The following PLAGL1 variants were observed in gnomAD, a reference collection of about 807,000 sequenced individuals.
The protein encoded by PLAGL1 is zinc finger protein PLAGL1.
PLAGL1 carries 1 observed loss-of-function variant against 4.6 expected under a neutral mutation model. That is an observed-to-expected ratio of 0.22 (90% CI 0.08 to 1.03). PLAGL1 has a LOEUF of 1.03. Among genes scored for constraint, PLAGL1 ranks in the 50% least tolerant of loss-of-function variants. The pLI, the probability that PLAGL1 is intolerant of heterozygous loss-of-function variation, is 0.58. For missense variants in PLAGL1, 464 were observed against 570.4 expected (o/e 0.81, Z 1.90); for synonymous variants, 240 against 237.8 (o/e 1.01, Z -0.08).
intron 3 of PLAGL1, chr6:143,967,953 G>A (rs1459764090): frequency 1.0e-4 from 10 of 100,390 alleles, no homozygotes; most frequent in Non-Finnish European, 1.6e-4. Flanking sequence ...AAAACAACTG[G>A]AATTTTTAAA....
chr6:144,054,063 C>T (rs1562616455), intron 1 of PLAGL1, among the ~76,000 whole-genome samples: 1 of 152,164 alleles, frequency 6.6e-6, no homozygotes, highest in East Asian at 1.9e-4. Flanking sequence ...GACAATTGTA[C>T]CTATAAATCC....
Position 143,955,639 on chromosome 6 carries a change from AGGACGACCCAGGC to A in PLAGL1, c.-325+4817_-325+4829del, listed in dbSNP as rs1297783478. ...GACAAAACCAAACTACCAAGGGGAA[AGGACGACCCAGGC>A]GCTCACCACCAGGGAGCTGGGCAAT... On this transcript the variant is annotated intron_variant, in intron 6 of 7. Coordinates refer to ENST00000674357, the MANE Select transcript of PLAGL1 (RefSeq NM_001317162.2). This position sits in a 1 kb window ranked among gnomAD's most constrained non-coding sequence, Gnocchi z 4.9. Among the ~76,000 whole-genome samples, 4 of 152,178 alleles carry A rather than the reference AGGACGACCCAGGC, an allele frequency of 2.6e-5. No individual in the cohort carries two copies. Among genetic ancestry groups the A allele is most frequent in the African/African-American group, 9.7e-5 (4 of 41,436 alleles).
Position 143,950,045 on chromosome 6 carries a change from A to T in PLAGL1, c.-324-1585T>A, listed in dbSNP as rs1583101672. 6.6e-6 allele frequency among the ~76,000 whole-genome samples: 1 copy of T among 152,310 alleles called. No homozygotes were observed. The highest frequency in any genetic ancestry group is 2.4e-5 in the African/African-American group (1 of 41,566). On this transcript the variant is annotated intron_variant, in intron 6 of 7. Transcript: ENST00000674357. The surrounding 1 kb of genome is among the most constrained non-coding windows in gnomAD (Gnocchi z 6.3). ...TAGAGTTCCTCATCTTCTGTTGTAGATGTTTTCAGTGTCTGGACAGAGTTC... is the reference window on the plus strand; with the variant it reads ...TAGAGTTCCTCATCTTCTGTTGTAGTTGTTTTCAGTGTCTGGACAGAGTTC...
At chr6:143,999,934 G>C (rs533291784) in intron 1 of PLAGL1, among the ~76,000 whole-genome samples, 22 of 152,192 alleles carry the variant, frequency 1.4e-4, no homozygotes, top group African/African-American at 5.3e-4. Context: ...TTATATGGTA[G>C]ACAGTTGTAC....
In PLAGL1 at chr6:143,997,704, G is replaced by A. The variant is rs1040417001; in HGVS notation, c.-584+10386C>T. Among the ~76,000 whole-genome samples the A allele has an allele frequency of 4.0e-5, 6 of 151,500 alleles. No individual in the cohort carries two copies. The highest frequency in any genetic ancestry group is 7.4e-5 in the Non-Finnish European group (5 of 67,812). On this transcript the variant is annotated intron_variant, in intron 1 of 7. Coordinates refer to ENST00000674357, the MANE Select transcript of PLAGL1 (RefSeq NM_001317162.2). This position sits in a 1 kb window ranked among gnomAD's most constrained non-coding sequence, Gnocchi z 4.6. ...CCATCTTGGGGCGGAGGGGGCTGGC[G>A]GGGAAGGAATAGATAAAACTAATCT...
intron 1 of PLAGL1, among the ~76,000 whole-genome samples, chr6:144,014,876 A>G (rs867050599): frequency 2.0e-5 from 3 of 152,118 alleles, no homozygotes; most frequent in Admixed American, 1.3e-4. Flanking sequence ...CACTGTCCCC[A>G]GCCTAGATCT....
chr6:143,980,385 C>T (rs1291935996), intron 2 of PLAGL1, among the ~76,000 whole-genome samples: 4 of 121,890 alleles, frequency 3.3e-5, no homozygotes, highest in Admixed American at 8.3e-5. Context: ...TCACTTTTTT[C>T]TAGTTTTTTT....
chr6:144,003,635 A>C (rs1793462727), intron 1 of PLAGL1, among the ~76,000 whole-genome samples: 1 of 151,658 alleles, frequency 6.6e-6, no homozygotes, highest in Non-Finnish European at 1.5e-5. Flanking sequence ...AAAAAAAAAA[A>C]AAAAGAGAAT....
At chr6:143,974,097 C>G (rs917351861) in intron 2 of PLAGL1, among the ~76,000 whole-genome samples, 1 of 152,178 alleles carries the variant, frequency 6.6e-6, no homozygotes, top group Non-Finnish European at 1.5e-5. Context: ...ATTACTCTGA[C>G]TGGTTACCTA....
At chr6:143,969,134 C>A (rs1784956118) in intron 2 of PLAGL1, among the ~76,000 whole-genome samples, 156 bp from the exon 3 acceptor site, 1 of 151,996 alleles carries the variant, frequency 6.6e-6, no homozygotes. Flanking sequence ...TGCTATAATG[C>A]CATATCCCAG....
chr6:143,991,223 G>A (rs1790406258), intron 1 of PLAGL1, among the ~76,000 whole-genome samples: 1 of 152,200 alleles, frequency 6.6e-6, no homozygotes, highest in Middle Eastern at 3.4e-3. Context: ...TTTATGATGA[G>A]GATTTTAATT....
intron 1 of PLAGL1, among the ~76,000 whole-genome samples, chr6:144,052,605 A>G (rs1010711846): frequency 2.6e-5 from 4 of 152,228 alleles, no homozygotes; most frequent in Non-Finnish European, 5.9e-5. Flanking sequence ...TATGGTTGCA[A>G]ACAGGATGTC....
rs1798514008 is a variant in PLAGL1 at position 144,050,646 on chromosome 6, T to C, written c.-151+13822A>G. Among the ~76,000 whole-genome samples, 2 of 152,322 alleles carry C rather than the reference T, an allele frequency of 1.3e-5. No individual in the cohort carries two copies. The highest frequency in any genetic ancestry group is 4.1e-4 in the South Asian group (2 of 4,828). On this transcript the variant is annotated intron_variant, in intron 1 of 3. Coordinates refer to the PLAGL1 transcript ENST00000437412. The surrounding 1 kb of genome is among the most constrained non-coding windows in gnomAD (Gnocchi z 4.3). ...GGCTCATGTCTATAATCCCAGCACT[T>C]TGGGAGGCCAAGGCAGGAGGATCAC...
chr6:144,032,907 C>G (rs1408468280), intron 1 of PLAGL1, among the ~76,000 whole-genome samples: 2 of 152,036 alleles, frequency 1.3e-5, no homozygotes, highest in Non-Finnish European at 2.9e-5. Context: ...TAAGTAAACC[C>G]TGAGAGGTAA....
intron 1 of PLAGL1, among the ~76,000 whole-genome samples, chr6:144,049,071 A>T (rs1439930819): frequency 6.6e-6 from 1 of 152,238 alleles, no homozygotes; most frequent in Non-Finnish European, 1.5e-5. Context: ...AGTTGCACAG[A>T]TCTCTAGGGC....
chr6:144,030,124 A>G (rs1237143025), intron 1 of PLAGL1, among the ~76,000 whole-genome samples: 1 of 151,804 alleles, frequency 6.6e-6, no homozygotes, highest in East Asian at 1.9e-4. Context: ...GCGTGGTGGC[A>G]GGCGCCTGTA....
chr6:144,016,068 G>C lies in PLAGL1; in HGVS notation c.-150-47090C>G, dbSNP rs1007830393. On this transcript the variant is annotated intron_variant, in intron 1 of 3. Transcript: ENST00000437412. This position sits in a 1 kb window ranked among gnomAD's most constrained non-coding sequence, Gnocchi z 4.2. ...AAAGAAATCATATTGTATTAGTCAG[G>C]GTTCTCTAGAGGGACAGAACTAATA... Among the ~76,000 whole-genome samples, 26 of 151,940 alleles carry C rather than the reference G, an allele frequency of 1.7e-4. No homozygotes were observed. The South Asian group carries it at 5.2e-3, about 30-fold the overall frequency.
intron 1 of PLAGL1, among the ~76,000 whole-genome samples, chr6:144,002,359 G>A (rs1332363281): frequency 6.6e-6 from 1 of 152,080 alleles, no homozygotes; most frequent in Non-Finnish European, 1.5e-5. Flanking sequence ...CCCTTAAGAT[G>A]AGGAAAAGGC....
At chr6:144,035,923 A>C (rs1797200523) in intron 1 of PLAGL1, among the ~76,000 whole-genome samples, 2 of 152,168 alleles carry the variant, frequency 1.3e-5, no homozygotes, top group South Asian at 4.2e-4. Flanking sequence ...AAAGAAACGC[A>C]GTTCAGGGAT....
Sources: gnomAD v4.1 joint callset for allele counts (sites outside exome capture counted in the v4.1 genomes callset) on GRCh38, gnomAD v4.1.1 for gene constraint, Gnocchi (gnomAD v3.1) non-coding constraint, MANE v1.5 for transcripts, NCBI Gene and HGNC (gene_info 2026-07-23, HGNC 2026-07-21) for gene names.